Variants in SRFBP1 observed in about 807,000 individuals in gnomAD.
SRFBP1 encodes serum response factor binding protein 1, also known as serum response factor-binding protein 1.
SRFBP1 carries 47 observed loss-of-function variants against 45.5 expected under a neutral mutation model. The observed-to-expected ratio is 1.03, with a 90% CI of 0.82 to 1.32. The LOEUF (loss-of-function observed/expected upper bound fraction) is 1.32. Among genes scored for constraint, SRFBP1 ranks in the 40% most tolerant of loss-of-function variants. SRFBP1 has a pLI of 0.00. For synonymous variants in SRFBP1, 203 were observed against 166.3 expected, an observed-to-expected ratio of 1.22 and a Z score of -1.70; for missense variants, 621 against 484.6, an observed-to-expected ratio of 1.28 and a Z score of -2.64.
chr5:122,009,038 A>G (rs971007593), intron 4 of SRFBP1, among the ~76,000 whole-genome samples: 27 of 152,312 alleles, frequency 1.8e-4, no homozygotes, highest in African/African-American at 5.5e-4. Flanking sequence ...AGATGCACTA[A>G]TGTATACTCC....
At chr5:122,047,209 G>T (rs944324492) in intron 2 of SRFBP1, among the ~76,000 whole-genome samples, 2 of 152,206 alleles carry the variant, frequency 1.3e-5, no homozygotes, top group Admixed American at 6.5e-5. Flanking sequence ...AATCCATCTT[G>T]AATTAATTTT....
chr5:121,981,475 G>C (rs1411119505), intron 3 of SRFBP1, among the ~76,000 whole-genome samples: 1 of 150,926 alleles, frequency 6.6e-6, no homozygotes, highest in Non-Finnish European at 1.5e-5. Flanking sequence ...CTTCTTCCCT[G>C]AATGATATAC....
At chr5:121,990,381 T>A (rs1417546878) in intron 3 of SRFBP1, among the ~76,000 whole-genome samples, 3 of 152,134 alleles carry the variant, frequency 2.0e-5, no homozygotes, top group African/African-American at 7.2e-5. Flanking sequence ...AATCATTGAG[T>A]ACCTATGGAC....
At chr5:122,047,807 C>G (rs1046934886) in intron 2 of SRFBP1, among the ~76,000 whole-genome samples, 4 of 152,150 alleles carry the variant, frequency 2.6e-5, no homozygotes, top group African/African-American at 9.7e-5. Context: ...CTCTTTGAAG[C>G]AAGTGTGAAT....
intron 2 of SRFBP1, among the ~76,000 whole-genome samples, chr5:122,060,650 CA>C (rs1395319173): frequency 2.0e-5 from 3 of 152,064 alleles, no homozygotes; most frequent in Non-Finnish European, 2.9e-5. Context: ...TTTTTCTGGT[CA>C]ATAAGCTGTG....
chr5:122,022,354 GTTTTTCTTC>G lies in SRFBP1; in HGVS notation c.1068-11_1068-3del. 6.2e-7 allele frequency: 1 copy of G among 1,603,144 alleles called. No individual in the cohort carries two copies. Among genetic ancestry groups the G allele is most frequent in the Non-Finnish European group, 8.5e-7 (1 of 1,173,696 alleles). ...TTTATCTTTAAAAAGTCATAATGGT[GTTTTTCTTC>G]TTTTAGAAATTTCAAAGAACAGGCT... On this transcript the variant is annotated splice_polypyrimidine_tract_variant and splice_region_variant and intron_variant, in intron 6 of 7. Transcript: ENST00000339397.
chr5:121,980,591 A>G (rs1371832570), intron 3 of SRFBP1, among the ~76,000 whole-genome samples: 1 of 152,112 alleles, frequency 6.6e-6, no homozygotes, highest in Non-Finnish European at 1.5e-5. Flanking sequence ...GATAATAGCC[A>G]TTTTTGCTTA....
At chr5:122,051,814 A>T (rs765237217) in intron 2 of SRFBP1, among the ~76,000 whole-genome samples, 1 of 152,060 alleles carries the variant, frequency 6.6e-6, no homozygotes, top group African/African-American at 2.4e-5. Context: ...GCTGGTTATT[A>T]TGCAGACTTT....
intron 1 of SRFBP1, 93 bp downstream of exon 1, chr5:121,962,161 G>A: frequency 1.3e-6 from 2 of 1,518,102 alleles, no homozygotes; most frequent in Non-Finnish European, 1.8e-6. Flanking sequence ...AGAGGGTGCG[G>A]TTGGAGGAAC....
intron 4 of SRFBP1, among the ~76,000 whole-genome samples, chr5:122,011,606 TTGTATTAGTTATTTG>T (rs1417187678): frequency 6.6e-6 from 1 of 152,170 alleles, no homozygotes; most frequent in Non-Finnish European, 1.5e-5. Flanking sequence ...ACATTCTGCC[TTGTATTAGTTATTTG>T]TGCATTTGTC....
intron 1 of SRFBP1, among the ~76,000 whole-genome samples, chr5:121,967,311 T>G: frequency 6.6e-6 from 1 of 152,180 alleles, no homozygotes. Context: ...TTTAATAATT[T>G]TTTTCTGAAA....
chr5:122,017,326 A>G (rs566344969), intron 4 of SRFBP1, among the ~76,000 whole-genome samples: 1 of 152,324 alleles, frequency 6.6e-6, no homozygotes, highest in South Asian at 2.1e-4. Flanking sequence ...TGGAAGCTCC[A>G]GAGGGGAAAC....
chr5:122,019,659 G>T (rs1753261793), intron 5 of SRFBP1, among the ~76,000 whole-genome samples: 1 of 150,506 alleles, frequency 6.6e-6, no homozygotes, highest in Non-Finnish European at 1.5e-5. Flanking sequence ...CGCCACTTAG[G>T]AACATAATTT....
intron 1 of SRFBP1, among the ~76,000 whole-genome samples, chr5:121,963,545 G>T (rs1256329713): frequency 6.6e-6 from 1 of 152,052 alleles, no homozygotes; most frequent in Non-Finnish European, 1.5e-5. Context: ...GCTAACTTTT[G>T]TTCTTCTTCA....
chr5:121,989,447 A>G (rs1263963529), intron 3 of SRFBP1, among the ~76,000 whole-genome samples: 1 of 152,140 alleles, frequency 6.6e-6, no homozygotes, highest in Non-Finnish European at 1.5e-5. Flanking sequence ...ATACACTAGG[A>G]AGAGCATGGT....
chr5:122,008,849 A>G (rs1264302594), intron 4 of SRFBP1, among the ~76,000 whole-genome samples: 2 of 152,202 alleles, frequency 1.3e-5, no homozygotes, highest in Non-Finnish European at 2.9e-5. Context: ...ACTAGGACCA[A>G]AAATAAAATA....
At chr5:122,020,980 G>C (rs1340967391) in intron 6 of SRFBP1, among the ~76,000 whole-genome samples, 178 bp downstream of exon 6, 2 of 152,154 alleles carry the variant, frequency 1.3e-5, no homozygotes, top group African/African-American at 4.8e-5. Context: ...ATATGGCAAT[G>C]CCACATTTGC....
At chr5:121,963,818 A>C (rs1420024398) in intron 1 of SRFBP1, among the ~76,000 whole-genome samples, 1 of 152,196 alleles carries the variant, frequency 6.6e-6, no homozygotes, top group Non-Finnish European at 1.5e-5. Context: ...GGACAGAAAA[A>C]AGTGGAGATG....
At chr5:122,020,037 T>G in intron 5 of SRFBP1, 51 bp from the exon 6 acceptor site, 2 of 1,275,674 alleles carry the variant, frequency 1.6e-6, no homozygotes, top group Non-Finnish European at 2.2e-6. Context: ...AAAACAGTCA[T>G]GTTTTATATG....
Sources: allele counts gnomAD v4.1 joint callset (sites outside exome capture counted in the v4.1 genomes callset), GRCh38; gene constraint gnomAD v4.1.1; transcripts MANE v1.5; gene names NCBI Gene and HGNC (gene_info 2026-07-23, HGNC 2026-07-21).